The following CCDC149 variants were observed in gnomAD, a reference collection of about 807,000 sequenced individuals.
CCDC149 encodes coiled-coil domain containing 149.
A neutral mutation model predicts 59.9 loss-of-function variants in CCDC149; 45 were observed. That is an observed-to-expected ratio of 0.75 (90% CI 0.59 to 0.96). CCDC149 has a LOEUF of 0.96. Ranked by LOEUF, CCDC149 falls within the 40% of genes least tolerant of loss-of-function variation. The pLI is 0.00. For synonymous variants in CCDC149, 245 were observed against 260.6 expected, an observed-to-expected ratio of 0.94 and a Z score of 0.58; for missense variants, 584 against 664.7, an observed-to-expected ratio of 0.88 and a Z score of 1.33.
intron 2 of CCDC149, among the ~76,000 whole-genome samples, chr4:24,875,985 T>G (rs1475068859): frequency 1.3e-5 from 2 of 152,158 alleles, no homozygotes; most frequent in African/African-American, 4.8e-5. Flanking sequence ...AAATTTTGAA[T>G]TGCATGCTGT....
At chr4:24,930,079 C>T (rs1722543262) in intron 1 of CCDC149, among the ~76,000 whole-genome samples, 1 of 152,226 alleles carries the variant, frequency 6.6e-6, no homozygotes, top group South Asian at 2.1e-4. Context: ...CCTGGACATA[C>T]AGACAAATGA....
chr4:24,823,131 A>C (rs1401262412), intron 9 of CCDC149: 1 of 152,236 alleles, frequency 6.6e-6, no homozygotes, highest in Admixed American at 6.5e-5. Context: ...AGTATTTGAT[A>C]AATATATTTG....
chr4:24,955,845 G>A (rs1256909122), intron 1 of CCDC149, among the ~76,000 whole-genome samples: 3 of 152,174 alleles, frequency 2.0e-5, no homozygotes, highest in Non-Finnish European at 4.4e-5. Context: ...TAATGCCACT[G>A]AACTGTACTC....
chr4:24,858,824 C>A (rs1718193171), intron 3 of CCDC149, among the ~76,000 whole-genome samples: 1 of 152,182 alleles, frequency 6.6e-6, no homozygotes, highest in Non-Finnish European at 1.5e-5. Flanking sequence ...GCTGTCGGAT[C>A]TCACCCCCAA....
intron 3 of CCDC149, among the ~76,000 whole-genome samples, chr4:24,853,550 T>C (rs1717804210): frequency 7.2e-6 from 1 of 139,822 alleles, no homozygotes; most frequent in Non-Finnish European, 1.5e-5. Context: ...ATTGTGCCAC[T>C]GCACTCCAGC....
chr4:24,924,234 G>A (rs1347784818), intron 1 of CCDC149, among the ~76,000 whole-genome samples: 1 of 148,356 alleles, frequency 6.7e-6, no homozygotes, highest in African/African-American at 2.5e-5. Context: ...AGATATTCAA[G>A]TCTTTATAGC....
intron 3 of CCDC149, among the ~76,000 whole-genome samples, chr4:24,867,441 G>T (rs772091601): frequency 1.3e-5 from 2 of 152,226 alleles, no homozygotes; most frequent in Non-Finnish European, 2.9e-5. Flanking sequence ...GACCTCAGAA[G>T]AATGCTGGGA....
intron 4 of CCDC149, among the ~76,000 whole-genome samples, chr4:24,850,786 CG>C (rs1717609672): frequency 6.6e-6 from 1 of 152,194 alleles, no homozygotes; most frequent in Non-Finnish European, 1.5e-5. Context: ...TACCTGGGAA[CG>C]GGGGCTTCTG....
chr4:24,968,190 T>A (rs917438943), intron 1 of CCDC149, among the ~76,000 whole-genome samples: 1 of 152,226 alleles, frequency 6.6e-6, no homozygotes, highest in African/African-American at 2.4e-5. Context: ...GGTTGAGGCC[T>A]GTGGCAGTGC....
At chr4:24,939,738 C>T (rs986618798) in intron 1 of CCDC149, among the ~76,000 whole-genome samples, 2 of 152,106 alleles carry the variant, frequency 1.3e-5, no homozygotes, top group African/African-American at 2.4e-5. Context: ...ACGAGAACTA[C>T]GCGACGAACG....
At chr4:24,824,454 C>T (rs17623840) in intron 9 of CCDC149, among the ~76,000 whole-genome samples, 20,874 of 152,220 alleles carry the variant, frequency 0.14, 1,909 homozygotes, top group Non-Finnish European at 0.2. Context: ...TTCCGGAGTC[C>T]GTAATACACA....
chr4:24,906,252 G>A (rs1233904045), intron 1 of CCDC149, among the ~76,000 whole-genome samples: 1 of 152,046 alleles, frequency 6.6e-6, no homozygotes, highest in Non-Finnish European at 1.5e-5. Flanking sequence ...ACCCAGCCTT[G>A]GTGTTGTGAC....
chr4:24,817,267 G>T (rs1419694890), intron 12 of CCDC149, among the ~76,000 whole-genome samples: 1 of 152,128 alleles, frequency 6.6e-6, no homozygotes, highest in Non-Finnish European at 1.5e-5. Flanking sequence ...AAAACCACCA[G>T]CCAAGACATG....
At chr4:24,912,420 A>T (rs1721928311) in intron 1 of CCDC149, among the ~76,000 whole-genome samples, 1 of 151,946 alleles carries the variant, frequency 6.6e-6, no homozygotes, top group African/African-American at 2.4e-5. Context: ...CAGGGCTCGG[A>T]TTCTCCCCCA....
At chr4:24,928,762 T>C (rs935232929) in intron 1 of CCDC149, among the ~76,000 whole-genome samples, 2 of 152,138 alleles carry the variant, frequency 1.3e-5, no homozygotes, top group Non-Finnish European at 2.9e-5. Flanking sequence ...ACAGGTGCTG[T>C]CATGGTCTTC....
chr4:24,951,206 A>G (rs1416847138), intron 1 of CCDC149, among the ~76,000 whole-genome samples: 1 of 152,282 alleles, frequency 6.6e-6, no homozygotes, highest in East Asian at 1.9e-4. Flanking sequence ...AATTCATTCC[A>G]CAGTCCAGAT....
intron 1 of CCDC149, among the ~76,000 whole-genome samples, chr4:24,889,873 C>T (rs531566513): frequency 6.6e-6 from 1 of 152,250 alleles, no homozygotes; most frequent in Middle Eastern, 3.4e-3. Flanking sequence ...CTAATGAGGC[C>T]CACTGCACCT....
At position 24,819,950 on chromosome 4, in the gene CCDC149, G is replaced by A. The variant is rs767170047; in HGVS notation, c.1101C>T (p.Ser367=). ...TCTGTCCACTAGGAAGAGTGGGGTC[G>A]CTGAACAGTATGGTGTCCTTGCCCC... is the stretch of plus-strand genomic sequence containing the variant. Residue 367 remains serine, a synonymous_variant, in exon 12 of 13, where the codon AGC becomes AGT. Coordinates refer to ENST00000635206, the MANE Select transcript of CCDC149 (RefSeq NM_001330643.2). The A allele has an allele frequency of 2.3e-5, 36 of 1,551,324 alleles. No homozygotes were observed. Among genetic ancestry groups the A allele is most frequent in the Admixed American group, 9.8e-5 (5 of 50,946 alleles).
chr4:24,971,735 G>A (rs1723977047), intron 1 of CCDC149, among the ~76,000 whole-genome samples: 1 of 152,178 alleles, frequency 6.6e-6, no homozygotes, highest in African/African-American at 2.4e-5. Flanking sequence ...CCCATGATGG[G>A]AAGAGGGGGC....
Sources: allele counts gnomAD v4.1 joint callset (sites outside exome capture counted in the v4.1 genomes callset), GRCh38; gene constraint gnomAD v4.1.1; transcripts MANE v1.5; gene names NCBI Gene and HGNC (gene_info 2026-07-23, HGNC 2026-07-21).